Variants in LCLAT1 observed in about 807,000 individuals in gnomAD.
LCLAT1 encodes the protein lysocardiolipin acyltransferase 1.
In LCLAT1, 11 loss-of-function variants were observed where a neutral mutation model predicts 30.7. The ratio of observed to expected loss-of-function variants is 0.36; its 90% confidence interval spans 0.23 to 0.59. The LOEUF (loss-of-function observed/expected upper bound fraction) is 0.59, where lower values mean the gene tolerates loss of function less well. Ranked by LOEUF, LCLAT1 falls within the 20% of genes least tolerant of loss-of-function variation. The pLI is 0.77. For missense variants in LCLAT1, 402 were observed against 458.6 expected (o/e 0.88, Z 1.13); for synonymous variants, 155 against 151.3 (o/e 1.02, Z -0.18).
intron 5 of LCLAT1, among the ~76,000 whole-genome samples, chr2:30,628,211 T>G (rs1003023715): frequency 2.4e-4 from 36 of 152,264 alleles, no homozygotes; most frequent in African/African-American, 8.7e-4. Flanking sequence ...ATAAATTTTT[T>G]AAAAAACATC....
chr2:30,525,517 A>G (rs1332104954), intron 1 of LCLAT1, 70 bp from the exon 2 acceptor site: 5 of 1,196,002 alleles, frequency 4.2e-6, no homozygotes, highest in Non-Finnish European at 4.9e-6. Flanking sequence ...TCTATGCTCC[A>G]TCATCCTGAA....
chr2:30,619,534 C>T (rs1668147571), intron 5 of LCLAT1, among the ~76,000 whole-genome samples: 1 of 152,184 alleles, frequency 6.6e-6, no homozygotes, highest in African/African-American at 2.4e-5. Context: ...AGATACTTTA[C>T]TCATGCACCT....
chr2:30,535,638 G>A (rs1202850595), intron 3 of LCLAT1, among the ~76,000 whole-genome samples: 1 of 152,170 alleles, frequency 6.6e-6, no homozygotes, highest in Non-Finnish European at 1.5e-5. Context: ...AACTGAGACT[G>A]TATGACATAT....
At chr2:30,552,480 C>T (rs1664723296) in intron 3 of LCLAT1, 1 of 428,928 alleles carries the variant, frequency 2.3e-6, no homozygotes, top group Non-Finnish European at 4.7e-6. Flanking sequence ...TGATTTCTAT[C>T]TTGTATTTTC....
At chr2:30,583,388 A>G (rs113088978) in intron 5 of LCLAT1, among the ~76,000 whole-genome samples, 79 of 152,362 alleles carry the variant, frequency 5.2e-4, no homozygotes, top group African/African-American at 1.1e-3. Context: ...CTACATCACC[A>G]CAATAGCAGT....
chr2:30,458,734 G>A (rs767833957), intron 1 of LCLAT1, among the ~76,000 whole-genome samples: 1 of 152,138 alleles, frequency 6.6e-6, no homozygotes, highest in African/African-American at 2.4e-5. Context: ...CCCAAAATCA[G>A]TACTGGTCCA....
chr2:30,589,074 A>C (rs549012241), intron 5 of LCLAT1, among the ~76,000 whole-genome samples: 10 of 152,324 alleles, frequency 6.6e-5, no homozygotes, highest in Middle Eastern at 3.4e-3. Flanking sequence ...AAATTCTGCA[A>C]ATTGGTTATT....
At chr2:30,584,226 A>G (rs1308083612) in intron 5 of LCLAT1, among the ~76,000 whole-genome samples, 1 of 152,170 alleles carries the variant, frequency 6.6e-6, no homozygotes, top group African/African-American at 2.4e-5. Flanking sequence ...TATGTCTATT[A>G]AGATTCCTCA....
chr2:30,640,401 C>G lies in LCLAT1; in HGVS notation c.913C>G (p.Leu305Val). Reference protein sequence around the residue: ...IPPCKSELRVLVVKLLSILYW... With the variant: ...IPPCKSELRVVVVKLLSILYW... ...ACCTTGCAAGTCTGAACTCAGGGTCCTTGTGGTCAAATTGCTCTCTATACT... is the reference window on the plus strand; with the variant it reads ...ACCTTGCAAGTCTGAACTCAGGGTCGTTGTGGTCAAATTGCTCTCTATACT... Residue 305 changes from leucine (L) to valine (V), a missense_variant, in exon 6 of 6, where the codon CTT becomes GTT. Physicochemically the swap from Leu to Val is conservative, Grantham distance 32. Coordinates refer to ENST00000379509, the MANE Select transcript of LCLAT1 (RefSeq NM_001002257.3). 2 of 1,614,168 alleles carry G rather than the reference C, an allele frequency of 1.2e-6. No individual in the cohort carries two copies. Among genetic ancestry groups the G allele is most frequent in the Non-Finnish European group, 8.5e-7 (1 of 1,180,028 alleles).
At chr2:30,546,836 C>G (rs1411548810) in intron 3 of LCLAT1, among the ~76,000 whole-genome samples, 1 of 152,098 alleles carries the variant, frequency 6.6e-6, no homozygotes, top group African/African-American at 2.4e-5. Context: ...ATTTTTGACT[C>G]TATCCAGTTT....
chr2:30,501,537 T>C lies in LCLAT1; in HGVS notation c.-4-24050T>C, dbSNP rs372325050. ...TACAAAAAAAAAAATTAGTTGGGCA[T>C]GGTGCCCCACGCCTGTGGTCCCAGC... On this transcript the variant is annotated intron_variant, in intron 1 of 5. Coordinates refer to ENST00000379509, the MANE Select transcript of LCLAT1 (RefSeq NM_001002257.3). Among the ~76,000 whole-genome samples, 19 of 151,754 alleles carry C rather than the reference T, an allele frequency of 1.3e-4. No individual in the cohort carries two copies. In the East Asian group the frequency reaches 3.5e-3, roughly 28 times the overall value.
intron 5 of LCLAT1, among the ~76,000 whole-genome samples, chr2:30,617,624 G>C (rs1467832912): frequency 6.6e-6 from 1 of 152,134 alleles, no homozygotes; most frequent in African/African-American, 2.4e-5. Flanking sequence ...GAGGGTTCCA[G>C]TTGTTCACCA....
intron 1 of LCLAT1, among the ~76,000 whole-genome samples, chr2:30,518,878 G>A (rs1156877092): frequency 6.6e-6 from 1 of 152,166 alleles, no homozygotes; most frequent in Non-Finnish European, 1.5e-5. Flanking sequence ...TATTTGGCCA[G>A]GCATTAGCCC....
chr2:30,536,070 C>A (rs1686226472), intron 3 of LCLAT1, among the ~76,000 whole-genome samples: 1 of 151,904 alleles, frequency 6.6e-6, no homozygotes, highest in Admixed American at 6.6e-5. Flanking sequence ...GAAAGAATTT[C>A]TGAACCTGAA....
At chr2:30,513,689 C>T (rs1572552333) in intron 1 of LCLAT1, among the ~76,000 whole-genome samples, 1 of 152,172 alleles carries the variant, frequency 6.6e-6, no homozygotes, top group East Asian at 1.9e-4. Context: ...ACCTGCTTCC[C>T]ATTCTATTCG....
chr2:30,490,481 G>A (rs1251930871), intron 1 of LCLAT1, among the ~76,000 whole-genome samples: 2 of 152,084 alleles, frequency 1.3e-5, no homozygotes, highest in African/African-American at 4.8e-5. Flanking sequence ...GTGAGCCACT[G>A]CACCTGGCCC....
intron 1 of LCLAT1, among the ~76,000 whole-genome samples, chr2:30,507,389 C>A (rs754284497): frequency 6.6e-6 from 1 of 152,118 alleles, no homozygotes; most frequent in Non-Finnish European, 1.5e-5. Flanking sequence ...AAACTTGTGT[C>A]ATGGGGGTTT....
At chr2:30,635,873 C>T (rs1380941916) in intron 5 of LCLAT1, among the ~76,000 whole-genome samples, 2 of 152,168 alleles carry the variant, frequency 1.3e-5, no homozygotes, top group Non-Finnish European at 2.9e-5. Flanking sequence ...GCAGACTATA[C>T]AAATATTGGT....
intron 2 of LCLAT1, among the ~76,000 whole-genome samples, chr2:30,531,041 GA>G (rs1420044313): frequency 6.6e-6 from 1 of 152,038 alleles, no homozygotes; most frequent in Non-Finnish European, 1.5e-5. Flanking sequence ...CAAGGCGGGC[GA>G]GTCGCAAGTT....
Sources: allele counts gnomAD v4.1 joint callset (sites outside exome capture counted in the v4.1 genomes callset), GRCh38; gene constraint gnomAD v4.1.1; transcripts MANE v1.5; gene names NCBI Gene and HGNC (gene_info 2026-07-23, HGNC 2026-07-21).